Variants in TMEM245 observed in about 807,000 individuals in gnomAD.
TMEM245 encodes transmembrane protein 245.
A neutral mutation model predicts 101.2 loss-of-function variants in TMEM245; 69 were observed. The ratio of observed to expected loss-of-function variants is 0.68; its 90% CI spans 0.56 to 0.83. The LOEUF (loss-of-function observed/expected upper bound fraction) is 0.83. TMEM245 is among the 40% of genes least tolerant of loss of function. TMEM245 has a pLI of 0.00. For synonymous variants in TMEM245, 537 were observed against 449.8 expected (o/e 1.19, Z -2.45); for missense variants, 1,075 against 1,092.8 (o/e 0.98, Z 0.23).
At chr9:109,116,451 G>C (rs1830725474) in intron 1 of TMEM245, among the ~76,000 whole-genome samples, 1 of 152,062 alleles carries the variant, frequency 6.6e-6, no homozygotes. Context: ...AAACTCCTGG[G>C]CTCAGACAAT....
chr9:109,098,485 A>T (rs1287571792), intron 3 of TMEM245, among the ~76,000 whole-genome samples: 5 of 152,050 alleles, frequency 3.3e-5, no homozygotes, highest in Non-Finnish European at 7.4e-5. Context: ...CTGTATTTTA[A>T]TGACTTCTGT....
Position 109,119,497 on chromosome 9 carries a change from G to A in TMEM245, c.417C>T (p.Gly139=). 2.0e-6 allele frequency: 3 copies of A among 1,499,948 alleles called. No homozygotes were observed. Among genetic ancestry groups the A allele is most frequent in the African/African-American group, 1.5e-5 (1 of 68,824 alleles). The allele number at this position is 1,499,948 out of a possible 1,614,324, so 92.9% of individuals were successfully genotyped here. The part of the protein sequence containing the change: ...CFVDYGVEAL[G]EQALRRRRLL... ...GGCGGCGGCGGCGCAGCGCCTGCTC[G>A]CCCAGGGCCTCGACGCCGTAGTCGA... Residue 139 remains glycine (G), a synonymous_variant, in exon 1 of 18, where the codon GGC becomes GGT. Coordinates refer to ENST00000374586, the MANE Select transcript of TMEM245 (RefSeq NM_032012.4).
chr9:109,105,198 G>C lies in TMEM245; in HGVS notation c.799+1310C>G, dbSNP rs1830378752. 3.9e-5 allele frequency among the ~76,000 whole-genome samples: 6 copies of C among 152,068 alleles called. No individual in the cohort carries two copies. In the South Asian group the frequency reaches 1.2e-3, roughly 31 times the overall value. On this transcript the variant is annotated intron_variant, in intron 3 of 17. Coordinates refer to ENST00000374586, the MANE Select transcript of TMEM245 (RefSeq NM_032012.4). ...ATTTTTTTTAAAGGGGAAAGAATTT[G>C]AATAGACATTTCTCCAAAGAAGAGA...
At chr9:109,036,183 A>G (rs1455805327) in intron 16 of TMEM245, 23 bp downstream of exon 16, 1 of 1,542,712 alleles carries the variant, frequency 6.5e-7, no homozygotes, top group East Asian at 2.3e-5. Context: ...ATTCACTAAT[A>G]AGAAATTCTG....
At chr9:109,061,809 TCTG>T (rs1379891452) in intron 10 of TMEM245, among the ~76,000 whole-genome samples, 1 of 152,148 alleles carries the variant, frequency 6.6e-6, no homozygotes, top group African/African-American at 2.4e-5. Flanking sequence ...CCTCAAGTGA[TCTG>T]CCCACCTCAG....
At chr9:109,084,946 C>G (rs771114887) in intron 7 of TMEM245, among the ~76,000 whole-genome samples, 1 of 152,128 alleles carries the variant, frequency 6.6e-6, no homozygotes, top group Non-Finnish European at 1.5e-5. Flanking sequence ...GAAATCCTAA[C>G]CCATCCAAAA....
intron 14 of TMEM245, among the ~76,000 whole-genome samples, chr9:109,048,692 G>C (rs765442939): frequency 1.2e-4 from 19 of 152,138 alleles, no homozygotes; most frequent in Non-Finnish European, 1.6e-4. Context: ...GCTGAGACAG[G>C]CCTGCTCTGC....
At position 109,038,079 on chromosome 9, in the gene TMEM245, T is replaced by C. The variant is rs768953775; in HGVS notation, c.2162A>G (p.Tyr721Cys). The change falls in exon 15 of 18, where the codon TAT becomes TGT. Residue 721 changes from tyrosine to cysteine, a missense_variant. By Grantham distance (194) the Tyr-to-Cys change is radical (BLOSUM62 -2). This residue lies in a region of TMEM245 where 267 missense variants were observed against 351.3 expected (regional missense o/e 0.76). Coordinates refer to ENST00000374586, the MANE Select transcript of TMEM245 (RefSeq NM_032012.4). ...FDASLKMAGF[Y>C]GLYTWLTHTM... ...ATGAGTCAGCCAGGTATACAATCCA[T>C]AGAAGCCAGCCATTTTGAGGGAAGC... The C allele has an allele frequency of 1.1e-5, 18 of 1,613,280 alleles. No homozygotes were observed. Among genetic ancestry groups the C allele is most frequent in the East Asian group, 2.2e-5 (1 of 44,840 alleles).
intron 8 of TMEM245, among the ~76,000 whole-genome samples, chr9:109,079,408 A>G (rs1829605865): frequency 1.3e-5 from 2 of 151,950 alleles, no homozygotes; most frequent in Non-Finnish European, 2.9e-5. Flanking sequence ...GTCACTGAAG[A>G]CTATGAGAAG....
chr9:109,087,956 T>C (rs529816975), intron 5 of TMEM245, among the ~76,000 whole-genome samples: 1 of 152,328 alleles, frequency 6.6e-6, no homozygotes, highest in African/African-American at 2.4e-5. Flanking sequence ...CCCAAGGCTG[T>C]GCACGGCAAC....
In TMEM245 at chr9:109,050,340, A is replaced by G; in HGVS notation, c.2066T>C (p.Leu689Pro). The G allele has an allele frequency of 6.2e-7, 1 of 1,614,138 alleles. No homozygotes were observed. Among genetic ancestry groups the G allele is most frequent in the Non-Finnish European group, 8.5e-7 (1 of 1,180,022 alleles). Residue 689 changes from leucine (L) to proline (P), a missense_variant, in exon 14 of 18, where the codon CTA (leucine) becomes CCA (proline). Transcript: ENST00000374586. ...ATTAGAAGAAGGACCTGGCTGAGAT[A>G]GTGGAGTCAGGCTTATCACCCACTT... ...PVKWVISLTP[L>P]SQPGPSSNII...
intron 9 of TMEM245, among the ~76,000 whole-genome samples, chr9:109,069,847 C>T (rs1029881268): frequency 2.6e-5 from 4 of 152,194 alleles, no homozygotes; most frequent in African/African-American, 7.2e-5. Context: ...TCTAGTTCCT[C>T]GTTCCCAATA....
At chr9:109,087,139 C>T in intron 6 of TMEM245, 34 bp downstream of exon 6, 3 of 1,568,986 alleles carry the variant, frequency 1.9e-6, no homozygotes, top group Non-Finnish European at 2.6e-6. Context: ...ATATTAACTC[C>T]ATTAAGACAG....
intron 10 of TMEM245, among the ~76,000 whole-genome samples, chr9:109,063,365 C>A (rs1289486885): frequency 2.0e-5 from 3 of 152,202 alleles, no homozygotes; most frequent in Admixed American, 1.3e-4. Flanking sequence ...TGATCCGCCG[C>A]CTGCCTTGGC....
At chr9:109,113,057 CAG>C (rs1830611955) in intron 1 of TMEM245, among the ~76,000 whole-genome samples, 2 of 152,182 alleles carry the variant, frequency 1.3e-5, no homozygotes, top group African/African-American at 4.8e-5. Context: ...GCCTGAGTGA[CAG>C]AGCAAGGCTC....
intron 14 of TMEM245, among the ~76,000 whole-genome samples, chr9:109,048,433 GAA>G (rs1053984165): frequency 3.0e-5 from 4 of 132,180 alleles, no homozygotes; most frequent in Admixed American, 1.5e-4. Flanking sequence ...AATTATCAGA[GAA>G]AAAAAAAAAA....
At chr9:109,069,981 T>C (rs1829281831) in intron 9 of TMEM245, among the ~76,000 whole-genome samples, 1 of 152,252 alleles carries the variant, frequency 6.6e-6, no homozygotes, top group Non-Finnish European at 1.5e-5. Flanking sequence ...TGCTGACCAC[T>C]ACTACTGTCT....
Position 109,017,469 on chromosome 9 carries a change from A to C in TMEM245, c.*2991T>G, listed in dbSNP as rs560753646. ...TTCAGAACTCAAACAGCACTCACAT[A>C]ACATGGAATTTATGCTGAAAATCCC... On this transcript the variant is annotated 3_prime_UTR_variant, in exon 18 of 18. Coordinates refer to ENST00000374586, the MANE Select transcript of TMEM245 (RefSeq NM_032012.4). The C allele has an allele frequency of 1.3e-5, 2 of 152,332 alleles. No homozygotes were observed. Among genetic ancestry groups the C allele is most frequent in the Non-Finnish European group, 2.9e-5 (2 of 68,034 alleles). 9.4% of individuals were successfully genotyped at this position (152,332 alleles called of 1,614,324 possible).
At chr9:109,081,399 C>T (rs916151521) in intron 7 of TMEM245, among the ~76,000 whole-genome samples, 1 of 151,952 alleles carries the variant, frequency 6.6e-6, no homozygotes, top group Non-Finnish European at 1.5e-5. Context: ...CTAAAAAATA[C>T]AGATAAAATT....
Sources: allele counts gnomAD v4.1 joint callset (sites outside exome capture counted in the v4.1 genomes callset), GRCh38; gene constraint gnomAD v4.1.1; regional missense constraint gnomAD v4.1.1; transcripts MANE v1.5; gene names NCBI Gene and HGNC (gene_info 2026-07-23, HGNC 2026-07-21).